The following ADAMTS3 variants were observed in gnomAD, a reference collection of about 807,000 sequenced individuals.
ADAMTS3 encodes A disintegrin and metalloproteinase with thrombospondin motifs 3.
In ADAMTS3, 73 loss-of-function variants were observed where a neutral mutation model predicts 129.0. The observed-to-expected ratio is 0.57, with a 90% CI of 0.47 to 0.69. The LOEUF is 0.69. ADAMTS3 is among the 30% of genes least tolerant of loss of function. The pLI, the probability that ADAMTS3 is intolerant of heterozygous loss-of-function variation, is 0.00. For missense variants in ADAMTS3, 1,457 were observed against 1,514.5 expected, an observed-to-expected ratio of 0.96 and a Z score of 0.63; for synonymous variants, 477 against 510.8, an observed-to-expected ratio of 0.93 and a Z score of 0.89.
intron 5 of ADAMTS3, among the ~76,000 whole-genome samples, chr4:72,324,455 A>G (rs1037987736): frequency 6.6e-6 from 1 of 152,184 alleles, no homozygotes; most frequent in African/African-American, 2.4e-5. Context: ...AGGTGGAAGT[A>G]AAAAATCTGG....
chr4:72,568,743 C>T lies in ADAMTS3; in HGVS notation c.20G>A (p.Trp7Ter), dbSNP rs1226773199. Reference protein sequence around the residue: MVLLSLWLIAAALVEVR... With the variant: MVLLSL ...CTCTACCAGAGCGGCTGCTATCAAC[C>T]AAAGTGACAGGAGAACCATCACGAG... The change falls in exon 1 of 22, where the codon TGG becomes TAG. Residue 7 changes from tryptophan to a stop codon, truncating the protein, a stop_gained. Transcript: ENST00000286657. LOFTEE classifies it high-confidence loss of function. The T allele has an allele frequency of 6.2e-7, 1 of 1,613,694 alleles. No individual in the cohort carries two copies. The highest frequency in any genetic ancestry group is 1.1e-5 in the South Asian group (1 of 91,064).
At chr4:72,526,861 G>GGTGTGACCACT (rs1560551634) in intron 3 of ADAMTS3, among the ~76,000 whole-genome samples, 1 of 146,638 alleles carries the variant, frequency 6.8e-6, no homozygotes, top group Non-Finnish European at 1.5e-5. Context: ...TCAAATATTA[G>GGTGTGACCACT]GTGAACAAGG....
At chr4:72,362,189 G>GTA (rs1369081068) in intron 4 of ADAMTS3, among the ~76,000 whole-genome samples, 1 of 152,052 alleles carries the variant, frequency 6.6e-6, no homozygotes, top group East Asian at 1.9e-4. Context: ...TGACGGGAGG[G>GTA]TAGGTGCCCT....
chr4:72,401,031 A>G (rs922234217), intron 4 of ADAMTS3, among the ~76,000 whole-genome samples: 51 of 151,262 alleles, frequency 3.4e-4, no homozygotes, highest in Non-Finnish European at 1.5e-4. Flanking sequence ...GTCGTATGCA[A>G]CTATATAAAT....
chr4:72,446,441 A>T (rs912560605), intron 3 of ADAMTS3, among the ~76,000 whole-genome samples: 1 of 151,644 alleles, frequency 6.6e-6, no homozygotes, highest in Admixed American at 6.6e-5. Flanking sequence ...TCAAATCAGA[A>T]CAATGAGGTG....
At chr4:72,304,414 A>G (rs962004753) in intron 16 of ADAMTS3, among the ~76,000 whole-genome samples, 1 of 152,186 alleles carries the variant, frequency 6.6e-6, no homozygotes, top group Non-Finnish European at 1.5e-5. Context: ...AACTGGGAAT[A>G]TCTTGAAAAT....
At chr4:72,462,536 G>T (rs1718798960) in intron 3 of ADAMTS3, among the ~76,000 whole-genome samples, 1 of 151,882 alleles carries the variant, frequency 6.6e-6, no homozygotes, top group African/African-American at 2.4e-5. Context: ...CTGCATATAT[G>T]ATGATGGTCC....
intron 3 of ADAMTS3, among the ~76,000 whole-genome samples, chr4:72,448,063 T>C (rs1718302728): frequency 6.6e-6 from 1 of 151,708 alleles, no homozygotes; most frequent in Non-Finnish European, 1.5e-5. Context: ...ATGCACTTTA[T>C]TACTCTCTCC....
intron 3 of ADAMTS3, among the ~76,000 whole-genome samples, chr4:72,486,159 ACTT>A (rs1326285849): frequency 1.3e-5 from 2 of 152,154 alleles, no homozygotes; most frequent in Non-Finnish European, 2.9e-5. Flanking sequence ...AGACTGAAAA[ACTT>A]CTGTAGTAAA....
chr4:72,490,592 T>C (rs1394081225), intron 3 of ADAMTS3, among the ~76,000 whole-genome samples: 1 of 151,966 alleles, frequency 6.6e-6, no homozygotes, highest in Admixed American at 6.6e-5. Context: ...TCCAGCACCA[T>C]TTATTGGACA....
intron 3 of ADAMTS3, among the ~76,000 whole-genome samples, chr4:72,519,415 T>C (rs1208547018): frequency 6.6e-6 from 1 of 152,252 alleles, no homozygotes; most frequent in Non-Finnish European, 1.5e-5. Flanking sequence ...TTCTCCTGGA[T>C]AATATCCTGC....
chr4:72,422,700 C>T (rs192648845), intron 3 of ADAMTS3, among the ~76,000 whole-genome samples: 43 of 152,190 alleles, frequency 2.8e-4, no homozygotes, highest in African/African-American at 9.4e-4. Flanking sequence ...AGGCCACACT[C>T]CTTACTCACT....
chr4:72,524,767 G>A (rs1373024519), intron 3 of ADAMTS3, among the ~76,000 whole-genome samples: 1 of 152,034 alleles, frequency 6.6e-6, no homozygotes, highest in Admixed American at 6.6e-5. Context: ...CGCTTCATGA[G>A]GTATATGGCA....
At chr4:72,559,958 A>G (rs1721861911) in intron 2 of ADAMTS3, among the ~76,000 whole-genome samples, 3 of 151,860 alleles carry the variant, frequency 2.0e-5, no homozygotes, top group Non-Finnish European at 2.9e-5. Flanking sequence ...ACAAGGCTAC[A>G]ATAACCCAAA....
chr4:72,496,867 C>T (rs1179560242), intron 3 of ADAMTS3, among the ~76,000 whole-genome samples: 1 of 152,004 alleles, frequency 6.6e-6, no homozygotes, highest in African/African-American at 2.4e-5. Context: ...TTAAAACTGA[C>T]TTATAAAAAT....
chr4:72,307,047 A>G (rs957698516), intron 15 of ADAMTS3, among the ~76,000 whole-genome samples: 1 of 152,020 alleles, frequency 6.6e-6, no homozygotes, highest in Non-Finnish European at 1.5e-5. Context: ...CCTTCAATAC[A>G]TTATGAAACA....
intron 4 of ADAMTS3, among the ~76,000 whole-genome samples, chr4:72,377,516 T>A (rs1212321552): frequency 6.6e-6 from 1 of 152,208 alleles, no homozygotes; most frequent in African/African-American, 2.4e-5. Flanking sequence ...AAGGCCTATC[T>A]AGACGGCTAA....
At chr4:72,461,714 A>C (rs982839834) in intron 3 of ADAMTS3, among the ~76,000 whole-genome samples, 2 of 151,926 alleles carry the variant, frequency 1.3e-5, no homozygotes, top group Admixed American at 6.6e-5. Flanking sequence ...CAATACAATG[A>C]AATGTTTTCA....
intron 5 of ADAMTS3, among the ~76,000 whole-genome samples, chr4:72,333,524 G>A (rs1382783782): frequency 6.6e-6 from 1 of 152,066 alleles, no homozygotes; most frequent in Non-Finnish European, 1.5e-5. Context: ...CTTTCCAGTA[G>A]GGTCTGTCTT....
Sources: allele counts gnomAD v4.1 joint callset (sites outside exome capture counted in the v4.1 genomes callset), GRCh38; gene constraint gnomAD v4.1.1; transcripts MANE v1.5; gene names NCBI Gene and HGNC (gene_info 2026-07-23, HGNC 2026-07-21).